The following MSN variants were observed in gnomAD, a reference collection of about 807,000 sequenced individuals.
The protein encoded by MSN is moesin.
Under a neutral mutation model 48.0 loss-of-function variants are expected in MSN, and 2 were observed. The ratio of observed to expected loss-of-function variants is 0.04; its 90% CI spans 0.02 to 0.13. MSN has a LOEUF of 0.13. Among genes scored for constraint, MSN ranks in the 10% least tolerant of loss-of-function variants. The pLI is 1.00. For missense variants in MSN, 267 were observed against 470.1 expected (o/e 0.57, Z 3.99); for synonymous variants, 146 against 166.9 (o/e 0.87, Z 0.97).
intron 1 of MSN, among the ~76,000 whole-genome samples, chrX:65,615,241 A>G (rs2070358707): frequency 9.2e-6 from 1 of 108,580 alleles, no homozygotes; most frequent in Admixed American, 9.8e-5. Flanking sequence ...GGCTGGGTCA[A>G]ATGGTATTTC....
intron 1 of MSN, among the ~76,000 whole-genome samples, chrX:65,611,241 C>A (rs750196039): frequency 9.3e-6 from 1 of 107,553 alleles, no homozygotes; most frequent in Non-Finnish European, 1.9e-5. Context: ...CTCACTGCAA[C>A]CTCCGCCTCC....
chrX:65,729,650 C>T lies in MSN; in HGVS notation c.405C>T (p.Gly135=), dbSNP rs1400268252. The stretch of plus-strand genomic sequence containing the variant: ...CGTATGCTGTCCAGTCTAAGTATGG[C>T]GACTTCAATAAGGAAGTGCATAAGT... ...LASYAVQSKY[G]DFNKEVHKSG... is the part of the protein sequence containing the mutation. The change falls in exon 4 of 13, where the codon GGC becomes GGT. Residue 135 remains glycine (G), a synonymous_variant. Coordinates refer to ENST00000360270, the MANE Select transcript of MSN (RefSeq NM_002444.3). 6.6e-6 allele frequency: 8 copies of T among 1,211,347 alleles called. No individual in the cohort carries two copies. The Middle Eastern group carries it at 7.0e-4, about 106-fold the overall frequency.
intron 1 of MSN, among the ~76,000 whole-genome samples, chrX:65,619,693 C>G (rs1415351486): frequency 9.2e-6 from 1 of 108,215 alleles, no homozygotes; most frequent in Non-Finnish European, 1.9e-5. Context: ...CGTCTGAAGC[C>G]TTCTTCTCTC....
At chrX:65,718,580 C>T (rs2071487734) in intron 2 of MSN, among the ~76,000 whole-genome samples, 1 of 110,970 alleles carries the variant, frequency 9.0e-6, no homozygotes, top group Admixed American at 9.6e-5. Flanking sequence ...GTAATCCTAA[C>T]ACTGAGATGG....
At chrX:65,682,808 C>T (rs980809870) in intron 1 of MSN, among the ~76,000 whole-genome samples, 2 of 112,377 alleles carry the variant, frequency 1.8e-5, no homozygotes, top group Non-Finnish European at 3.8e-5. Flanking sequence ...GCTAGATCTA[C>T]CAGATAGCCA....
rs189882555 is a variant in MSN, at chrX:65,635,741, C to T, written c.-22+47129C>T. ...CCAGCCACTGACAAAACAACAGTAA[C>T]GCTGTCCCCAGATTGGGACATCATG... is the stretch of plus-strand genomic sequence containing the variant. On this transcript the variant is annotated intron_variant, in intron 1 of 3. Coordinates refer to the MSN transcript ENST00000609672. Among the ~76,000 whole-genome samples, 8 of 112,033 alleles carry T rather than the reference C, an allele frequency of 7.1e-5. No homozygotes were observed. The South Asian group carries it at 1.1e-3, about 16-fold the overall frequency.
chrX:65,673,517 C>T (rs1602778075), intron 1 of MSN, among the ~76,000 whole-genome samples: 2 of 108,242 alleles, frequency 1.8e-5, no homozygotes, highest in South Asian at 4.1e-4. Flanking sequence ...TGCAATGGCA[C>T]GATCTCAGCT....
At chrX:65,622,673 C>T (rs180960682) in intron 1 of MSN, among the ~76,000 whole-genome samples, 11 of 109,366 alleles carry the variant, frequency 1.0e-4, no homozygotes, top group South Asian at 8.0e-4. Context: ...CACACCCCTA[C>T]ACCCAGCTAG....
At chrX:65,668,062 G>C (rs910052596) in intron 1 of MSN, among the ~76,000 whole-genome samples, 6 of 112,445 alleles carry the variant, frequency 5.3e-5, no homozygotes, top group Non-Finnish European at 1.1e-4. Context: ...AAGTTTGGAC[G>C]GGGCGAGGCC....
At chrX:65,616,847 C>T (rs1485110032) in intron 1 of MSN, among the ~76,000 whole-genome samples, 1 of 110,022 alleles carries the variant, frequency 9.1e-6, no homozygotes, top group African/African-American at 3.3e-5. Flanking sequence ...GTGGGTTTGT[C>T]ATAGATAGCT....
chrX:65,721,891 T>A (rs1460733525), intron 2 of MSN, among the ~76,000 whole-genome samples: 1 of 111,458 alleles, frequency 9.0e-6, no homozygotes, highest in Non-Finnish European at 1.9e-5. Flanking sequence ...CAGACCAGCC[T>A]GGGCAACATA....
intron 1 of MSN, among the ~76,000 whole-genome samples, chrX:65,612,390 C>T (rs1465879470): frequency 7.2e-5 from 8 of 110,996 alleles, no homozygotes; most frequent in East Asian, 2.8e-4. Context: ...TACCTACTCT[C>T]GGGTATTCTG....
At chrX:65,681,576 G>C (rs2071055644) in intron 1 of MSN, among the ~76,000 whole-genome samples, 1 of 112,443 alleles carries the variant, frequency 8.9e-6, no homozygotes, top group Non-Finnish European at 1.9e-5. Flanking sequence ...AGAGAGGCCT[G>C]AGTGTAAGTA....
chrX:65,683,420 A>G (rs2071078226), intron 1 of MSN, among the ~76,000 whole-genome samples: 1 of 53,589 alleles, frequency 1.9e-5, no homozygotes, highest in African/African-American at 7.1e-5. Context: ...CACCACCACC[A>G]CCACCACCAC....
At chrX:65,664,483 C>A (rs775427920), upstream of MSN, among the ~76,000 whole-genome samples, 1 of 111,913 alleles carries the variant, frequency 8.9e-6, no homozygotes, top group Non-Finnish European at 1.9e-5. Flanking sequence ...TGTACTATTG[C>A]CAGAGCTTCT....
At chrX:65,722,459 G>A (rs920908693) in intron 2 of MSN, among the ~76,000 whole-genome samples, 7 of 103,324 alleles carry the variant, frequency 6.8e-5, no homozygotes, top group African/African-American at 2.3e-4. Flanking sequence ...ACAAGGTCTC[G>A]CTCCGTCACC....
At chrX:65,695,947 AAT>A (rs2071233892) in intron 1 of MSN, among the ~76,000 whole-genome samples, 1 of 97,993 alleles carries the variant, frequency 1.0e-5, no homozygotes. Flanking sequence ...CTCTACCCAG[AAT>A]ACCATGAGGT....
chrX:65,622,338 G>C (rs1421998605), intron 1 of MSN, among the ~76,000 whole-genome samples: 5 of 108,853 alleles, frequency 4.6e-5, no homozygotes, highest in African/African-American at 1.7e-4. Flanking sequence ...AGCCTCAAGT[G>C]ATCCACCCTT....
Position 65,729,544 on chromosome X carries a change from G to A in MSN, c.299G>A (p.Arg100His), listed in dbSNP as rs770945316. ...GAATTGATTCAGGACATCACTCAGCGCCTGTTCTTTCTGCAAGTGAAAGAG... is the reference window on the plus strand; with the variant it reads ...GAATTGATTCAGGACATCACTCAGCACCTGTTCTTTCTGCAAGTGAAAGAG... ...SEELIQDITQ[R>H]LFFLQVKEGI... The change falls in exon 4 of 13, where the codon CGC becomes CAC. Residue 100 changes from arginine (R) to histidine (H), a missense_variant. This residue lies in a region of MSN where 89 missense variants were observed against 151.0 expected (regional missense o/e 0.59). Transcript: ENST00000360270. 4.3e-5 allele frequency: 52 copies of A among 1,210,189 alleles called. No individual in the cohort carries two copies. The highest frequency in any genetic ancestry group is 5.5e-5 in the Non-Finnish European group (49 of 895,329).
Sources: gnomAD v4.1 joint callset for allele counts (sites outside exome capture counted in the v4.1 genomes callset) on GRCh38, gnomAD v4.1.1 for gene constraint, gnomAD v4.1.1 regional missense constraint, MANE v1.5 for transcripts, NCBI Gene and HGNC (gene_info 2026-07-23, HGNC 2026-07-21) for gene names.